ZFHX3: variants seen among roughly 807,000 people sequenced by gnomAD.
ZFHX3 encodes zinc finger homeobox 3.
In ZFHX3, 42 loss-of-function variants were observed where a neutral mutation model predicts 279.1. That is an observed-to-expected ratio of 0.15 (90% CI 0.12 to 0.19). The LOEUF (loss-of-function observed/expected upper bound fraction) is 0.19. Ranked by LOEUF, ZFHX3 falls within the 10% of genes least tolerant of loss-of-function variation. The pLI is 1.00. For synonymous variants in ZFHX3, 2,293 were observed against 1,957.8 expected, an observed-to-expected ratio of 1.17 and a Z score of -4.52; for missense variants, 4,981 against 4,754.0, an observed-to-expected ratio of 1.05 and a Z score of -1.40.
In ZFHX3 at chr16:73,878,639, T is replaced by C. The variant is rs564246006; in HGVS notation, c.-1608+13012A>G. 1.0e-3 allele frequency among the ~76,000 whole-genome samples: 156 copies of C among 152,190 alleles called. 2 individuals carry two copies. The highest frequency in any genetic ancestry group is 3.4e-3 in the African/African-American group (141 of 41,548). On this transcript the variant is annotated intron_variant, in intron 1 of 17. Coordinates refer to the ZFHX3 transcript ENST00000641206. ...TCTACTGTTTCTTTTTTTTTCTTTT[T>C]CTTAAGTCAAATCTTTTGAGAGTTA... is the stretch of plus-strand genomic sequence containing the variant.
rs527672247 is a variant in ZFHX3, at chr16:73,292,341, C to A, written c.-1194+25899G>T. Among the ~76,000 whole-genome samples the A allele has an allele frequency of 2.0e-3, 308 of 152,262 alleles. 1 individual carries two copies. The highest frequency in any genetic ancestry group is 7.1e-3 in the African/African-American group (293 of 41,546). ...GGATGTCTCAGGCCTGAAGTAAAGG[C>A]ATTCAGAGCCTGCAAAGGAGTTCTG... On this transcript the variant is annotated intron_variant, in intron 4 of 17. Coordinates refer to the ZFHX3 transcript ENST00000641206.
intron 4 of ZFHX3, among the ~76,000 whole-genome samples, chr16:73,286,957 T>G (rs1018579985): frequency 6.7e-6 from 1 of 148,188 alleles, no homozygotes; most frequent in African/African-American, 2.5e-5. Flanking sequence ...GGCCAGTGTG[T>G]GGCTGTGTGA....
At chr16:72,992,342 G>GC (rs996007540) in intron 1 of ZFHX3, among the ~76,000 whole-genome samples, 1 of 152,112 alleles carries the variant, frequency 6.6e-6, no homozygotes, top group Non-Finnish European at 1.5e-5. Flanking sequence ...CAGCTTCCCT[G>GC]CCTTCCCCCA....
intron 2 of ZFHX3, among the ~76,000 whole-genome samples, chr16:73,656,672 A>G (rs975372810): frequency 3.9e-5 from 6 of 152,222 alleles, no homozygotes; most frequent in Non-Finnish European, 8.8e-5. Flanking sequence ...AAAACACAAT[A>G]AAGTACTTCC....
chr16:73,058,610 T>A lies in ZFHX3; in HGVS notation c.-104A>T, dbSNP rs929086383. 741 of 214,516 alleles carry A rather than the reference T, an allele frequency of 3.5e-3. 2 individuals are homozygous for A. The highest frequency in any genetic ancestry group is 5.4e-3 in the Non-Finnish European group (616 of 113,978). 13.3% of individuals were successfully genotyped at this position (214,516 alleles called of 1,614,324 possible). On this transcript the variant is annotated 5_prime_UTR_variant, in exon 1 of 9. Transcript: ENST00000397992. ...CGGCGGGAGCTGGCGGCGCTTTTAA[T>A]CCCGAAAAGAGGCGCTCGGGCCGCG...
chr16:73,763,271 T>A (rs1375244820), intron 1 of ZFHX3, among the ~76,000 whole-genome samples: 1 of 152,188 alleles, frequency 6.6e-6, no homozygotes, highest in Non-Finnish European at 1.5e-5. Flanking sequence ...TCTTACCAAA[T>A]CTTTAAAAGT....
intron 1 of ZFHX3, among the ~76,000 whole-genome samples, chr16:73,869,785 C>A (rs374089493): frequency 3.7e-4 from 56 of 152,274 alleles, no homozygotes; most frequent in African/African-American, 1.2e-3. Flanking sequence ...CCAAAAGGAA[C>A]TTCATAATGT....
chr16:73,173,382 C>T (rs1967585842), intron 5 of ZFHX3, among the ~76,000 whole-genome samples: 1 of 150,842 alleles, frequency 6.6e-6, no homozygotes, highest in South Asian at 2.1e-4. Context: ...CCTCCCGCCC[C>T]GGCATATTTG....
At chr16:73,067,788 C>T (rs1270681128) in intron 8 of ZFHX3, among the ~76,000 whole-genome samples, 3 of 152,108 alleles carry the variant, frequency 2.0e-5, no homozygotes, top group Admixed American at 6.5e-5. Flanking sequence ...TGCAGAGAGA[C>T]GCTGGCTGTA....
chr16:73,295,421 G>A (rs58240658), intron 4 of ZFHX3, among the ~76,000 whole-genome samples: 4,632 of 152,238 alleles, frequency 0.03, 222 homozygotes, highest in African/African-American at 0.099. Flanking sequence ...TCGAATGTAA[G>A]GTGTGAATTT....
At position 72,796,922 on chromosome 16, in the gene ZFHX3, C is replaced by T; in HGVS notation, c.5760G>A (p.Glu1920=). 1 of 1,613,940 alleles carries T rather than the reference C, an allele frequency of 6.2e-7. No individual in the cohort carries two copies. The highest frequency in any genetic ancestry group is 8.5e-7 in the Non-Finnish European group (1 of 1,179,988). Residue 1920 remains glutamate (E), a synonymous_variant, in exon 9 of 10, where the codon GAG becomes GAA. Transcript: ENST00000268489. ...PDALKAKEKK[E]LAPGGGSEPS... is the part of the protein sequence containing the mutation. ...GCTCAGAACCACCCCCTGGTGCCAA[C>T]TCTTTCTTCTCTTTGGCCTTCAAGG... is the stretch of plus-strand genomic sequence containing the variant.
At chr16:72,918,788 C>G (rs937518773) in intron 3 of ZFHX3, among the ~76,000 whole-genome samples, 1 of 151,756 alleles carries the variant, frequency 6.6e-6, no homozygotes, top group Non-Finnish European at 1.5e-5. Context: ...CTCTGCCTCC[C>G]GCGTTCACAC....
intron 3 of ZFHX3, among the ~76,000 whole-genome samples, chr16:73,325,104 T>A (rs1164920141): frequency 6.6e-6 from 1 of 152,078 alleles, no homozygotes; most frequent in Non-Finnish European, 1.5e-5. Flanking sequence ...AGAGAATGGA[T>A]GATAGGACAG....
At chr16:73,814,415 A>G (rs1297457280) in intron 1 of ZFHX3, among the ~76,000 whole-genome samples, 1 of 137,556 alleles carries the variant, frequency 7.3e-6, no homozygotes, top group Non-Finnish European at 1.5e-5. Context: ...CTAAATTTAG[A>G]GGAAAAAGTA....
At chr16:73,649,105 A>G (rs1222963732) in intron 2 of ZFHX3, among the ~76,000 whole-genome samples, 1 of 152,252 alleles carries the variant, frequency 6.6e-6, no homozygotes, top group Admixed American at 6.5e-5. Context: ...ATGGGATAAT[A>G]CTTTCTATGT....
chr16:73,767,696 CTT>C (rs1413598396), intron 1 of ZFHX3, among the ~76,000 whole-genome samples: 5 of 152,174 alleles, frequency 3.3e-5, no homozygotes, highest in East Asian at 1.9e-4. Context: ...TCTTTTCTCT[CTT>C]GTTTCTTTCA....
At chr16:72,893,937 G>A (rs1168060116) in intron 3 of ZFHX3, among the ~76,000 whole-genome samples, 1 of 152,078 alleles carries the variant, frequency 6.6e-6, no homozygotes, top group Non-Finnish European at 1.5e-5. Flanking sequence ...ATCACCTGAG[G>A]TCAGGAGTTC....
At chr16:72,901,064 C>T (rs965000084) in intron 3 of ZFHX3, among the ~76,000 whole-genome samples, 1 of 152,196 alleles carries the variant, frequency 6.6e-6, no homozygotes, top group African/African-American at 2.4e-5. Flanking sequence ...CTGGCCTGCT[C>T]CAGATACTTC....
intron 3 of ZFHX3, among the ~76,000 whole-genome samples, chr16:73,377,659 A>G (rs921059901): frequency 2.7e-5 from 4 of 148,020 alleles, no homozygotes; most frequent in Non-Finnish European, 4.5e-5. Context: ...ACCAATCCCC[A>G]TCCCTTAACA....
Sources: allele counts gnomAD v4.1 joint callset (sites outside exome capture counted in the v4.1 genomes callset), GRCh38; gene constraint gnomAD v4.1.1; transcripts MANE v1.5; gene names NCBI Gene and HGNC (gene_info 2026-07-23, HGNC 2026-07-21).